COL6A5: variants seen among roughly 807,000 people sequenced by gnomAD.
The protein encoded by COL6A5 is collagen alpha-5(VI) chain.
Under a neutral mutation model 65.6 loss-of-function variants are expected in COL6A5, and 48 were observed. The ratio of observed to expected loss-of-function variants is 0.73; its 90% CI spans 0.58 to 0.93. COL6A5 has a LOEUF of 0.93. COL6A5 is among the 40% of genes least tolerant of loss of function. COL6A5 has a pLI of 0.00. For missense variants in COL6A5, 914 were observed against 928.3 expected (o/e 0.98, Z 0.20); for synonymous variants, 291 against 322.8 (o/e 0.90, Z 1.05).
At chr3:130,401,589 G>T (rs1370177624) in intron 11 of COL6A5, among the ~76,000 whole-genome samples, 173 bp from the exon 12 acceptor site, 1 of 152,182 alleles carries the variant, frequency 6.6e-6, no homozygotes, top group Non-Finnish European at 1.5e-5. Flanking sequence ...GCAGTGCCTG[G>T]TACCTTCTCT....
intron 5 of COL6A5, among the ~76,000 whole-genome samples, chr3:130,466,968 A>G (rs1709833333): frequency 6.6e-6 from 1 of 152,012 alleles, no homozygotes; most frequent in Non-Finnish European, 1.5e-5. Context: ...TCTTCCCATA[A>G]AGAAAACTCC....
chr3:130,482,928 G>A (rs534353874), intron 7 of COL6A5, among the ~76,000 whole-genome samples: 3 of 152,024 alleles, frequency 2.0e-5, no homozygotes, highest in Non-Finnish European at 4.4e-5. Flanking sequence ...TTGCTTATCA[G>A]TTCACCAAGG....
chr3:130,356,959 G>A (rs988207998), intron 1 of COL6A5, among the ~76,000 whole-genome samples: 8 of 152,016 alleles, frequency 5.3e-5, no homozygotes, highest in Non-Finnish European at 1.0e-4. Context: ...ACAAACCTAT[G>A]TAAAATAGAA....
At chr3:130,471,240 A>G (rs965568208) in intron 7 of COL6A5, among the ~76,000 whole-genome samples, 14 of 152,080 alleles carry the variant, frequency 9.2e-5, no homozygotes, top group African/African-American at 3.4e-4. Context: ...CTTCTCAGTA[A>G]GTAGATAACA....
chr3:130,370,419 G>A (rs567593369), intron 1 of COL6A5, among the ~76,000 whole-genome samples: 97 of 152,264 alleles, frequency 6.4e-4, no homozygotes, highest in African/African-American at 2.3e-3. Context: ...AGGGCTGGAA[G>A]AGGGGATTGG....
At chr3:130,362,926 C>A (rs551608152) in intron 1 of COL6A5, among the ~76,000 whole-genome samples, 138 of 152,310 alleles carry the variant, frequency 9.1e-4, no homozygotes, top group Middle Eastern at 6.8e-3. Flanking sequence ...TATATTTAAA[C>A]AGGTTCCTTG....
chr3:130,378,437 T>A (rs1201792858), intron 3 of COL6A5, among the ~76,000 whole-genome samples: 1 of 152,210 alleles, frequency 6.6e-6, no homozygotes, highest in African/African-American at 2.4e-5. Context: ...CATTCCATCT[T>A]AGCAGCTGTA....
At chr3:130,447,944 T>C (rs1043613215) in intron 4 of COL6A5, among the ~76,000 whole-genome samples, 6 of 152,166 alleles carry the variant, frequency 3.9e-5, no homozygotes, top group Non-Finnish European at 7.4e-5. Context: ...AATCAAACAA[T>C]TTGTTTTTTG....
chr3:130,429,352 G>A (rs1458437458), upstream of COL6A5, among the ~76,000 whole-genome samples: 1 of 152,202 alleles, frequency 6.6e-6, no homozygotes, highest in African/African-American at 2.4e-5. Flanking sequence ...TCTGCTGGCT[G>A]TGGCTCACAA....
intron 17 of COL6A5, among the ~76,000 whole-genome samples, chr3:130,408,848 G>A (rs1025691005): frequency 2.0e-5 from 3 of 152,144 alleles, no homozygotes; most frequent in African/African-American, 7.2e-5. Context: ...ACATCCCTGT[G>A]GAAGTTTTCA....
At chr3:130,347,595 G>T (rs1185510584) in intron 1 of COL6A5, among the ~76,000 whole-genome samples, 2 of 152,120 alleles carry the variant, frequency 1.3e-5, no homozygotes, top group African/African-American at 4.8e-5. Context: ...CATATGCTTA[G>T]CATCCTTCTA....
exon 9 of COL6A5, chr3:130,397,677 C>T (rs1446512397): frequency 1.3e-6 from 2 of 1,548,804 alleles, no homozygotes; most frequent in Non-Finnish European, 1.7e-6. Flanking sequence ...AATCCTACCT[C>T]CCAGGCATCT....
intron 1 of COL6A5, among the ~76,000 whole-genome samples, chr3:130,361,526 G>C (rs1413067739): frequency 6.6e-6 from 1 of 151,998 alleles, no homozygotes; most frequent in African/African-American, 2.4e-5. Flanking sequence ...TATCAATAAG[G>C]CTGAACATCC....
intron 30 of COL6A5, 42 bp downstream of exon 30, chr3:130,426,291 A>G: frequency 6.4e-7 from 1 of 1,550,670 alleles, no homozygotes; most frequent in Non-Finnish European, 8.7e-7. Context: ...CAATAAGTTC[A>G]CTGGGAAATA....
At chr3:130,438,483 C>T (rs1206838924) in intron 1 of COL6A5, among the ~76,000 whole-genome samples, 2 of 152,182 alleles carry the variant, frequency 1.3e-5, no homozygotes, top group African/African-American at 4.8e-5. Flanking sequence ...AGGTCAACAT[C>T]TAGTCTTTAC....
At chr3:130,403,660 C>A in exon 13 of COL6A5, 1 of 1,549,972 alleles carries the variant, frequency 6.5e-7, no homozygotes, top group South Asian at 1.2e-5. Context: ...GGATGGAAAC[C>A]CTGTAAGTTT....
chr3:130,464,000 G>A (rs1299522669), intron 5 of COL6A5, among the ~76,000 whole-genome samples: 4 of 152,060 alleles, frequency 2.6e-5, no homozygotes, highest in Admixed American at 2.0e-4. Context: ...AAAGGATTGA[G>A]ATTTTGCTTA....
At chr3:130,408,199 A>G (rs939420301) in intron 17 of COL6A5, among the ~76,000 whole-genome samples, 5 of 150,042 alleles carry the variant, frequency 3.3e-5, no homozygotes, top group African/African-American at 1.2e-4. Flanking sequence ...CAGAAAGTGA[A>G]TAGGAGAAAT....
Position 130,431,770 on chromosome 3 carries a change from C to T in COL6A5, c.310C>T (p.Arg104Cys), listed in dbSNP as rs79358579. 1.3e-4 allele frequency: 200 copies of T among 1,551,536 alleles called. No homozygotes were observed. In the East Asian group the frequency reaches 2.8e-3, roughly 22 times the overall value. The change falls in exon 1 of 8, where the codon CGC (arginine) becomes TGC (cysteine). Residue 104 changes from arginine to cysteine, a missense_variant. Coordinates refer to ENST00000512836, the Ensembl canonical transcript of COL6A5. ...TGGTAATGCAATGAGGTTTGTGACC[C>T]GCAACGTGTTCAAGCGGACGTATGC...
Sources: allele counts gnomAD v4.1 joint callset (sites outside exome capture counted in the v4.1 genomes callset), GRCh38; gene constraint gnomAD v4.1.1; transcripts MANE v1.5; gene names NCBI Gene and HGNC (gene_info 2026-07-23, HGNC 2026-07-21).